The following UBA2 variants were observed in gnomAD, a reference collection of about 807,000 sequenced individuals.
UBA2 encodes ubiquitin like modifier activating enzyme 2.
Under a neutral mutation model 77.2 loss-of-function variants are expected in UBA2, and 11 were observed. That is an observed-to-expected ratio of 0.14 (90% confidence interval 0.09 to 0.24). The LOEUF is 0.24. UBA2 is among the 10% of genes least tolerant of loss of function. The pLI is 1.00. For synonymous variants in UBA2, 278 were observed against 276.7 expected (o/e 1.00, Z -0.05); for missense variants, 487 against 781.7 (o/e 0.62, Z 4.50).
intron 1 of UBA2, 31 bp downstream of exon 1, chr19:34,428,601 G>A (rs1334220560): frequency 7.7e-7 from 1 of 1,303,554 alleles, no homozygotes. Context: ...CGTGAATGGC[G>A]GGCTGTGGTG....
chr19:34,459,645 A>G (rs2075609217), intron 13 of UBA2, among the ~76,000 whole-genome samples: 1 of 151,668 alleles, frequency 6.6e-6, no homozygotes, highest in South Asian at 2.1e-4. Flanking sequence ...ATTAGGGGAG[A>G]TTTTCTTTTT....
At chr19:34,456,100 C>CTTTTCTT (rs2075557152) in intron 12 of UBA2, among the ~76,000 whole-genome samples, 65 of 55,784 alleles carry the variant, frequency 1.2e-3, no homozygotes, top group African/African-American at 3.3e-3. Context: ...TTTTCCTTTT[C>CTTTTCTT]TTTTTCTTTT....
intron 5 of UBA2, among the ~76,000 whole-genome samples, chr19:34,437,047 T>C (rs546257744): frequency 3.6e-4 from 55 of 152,268 alleles, no homozygotes; most frequent in African/African-American, 1.3e-3. Context: ...AAATGGTGTT[T>C]CAGAGAAAAC....
At chr19:34,460,615 A>G (rs1273797845) in intron 14 of UBA2, 49 bp downstream of exon 14, 1 of 1,301,702 alleles carries the variant, frequency 7.7e-7, no homozygotes. Flanking sequence ...AGACTGCTTG[A>G]AGAGTGCACA....
intron 2 of UBA2, among the ~76,000 whole-genome samples, chr19:34,431,367 A>C (rs1228036701): frequency 6.9e-6 from 1 of 144,810 alleles, no homozygotes; most frequent in African/African-American, 2.6e-5. Context: ...ATCCTCCTAC[A>C]CTGGCCTCCC....
At chr19:34,450,495 A>T in intron 9 of UBA2, 131 bp downstream of exon 9, 1 of 559,018 alleles carries the variant, frequency 1.8e-6, no homozygotes, top group East Asian at 3.7e-5. Flanking sequence ...AATATGAAGA[A>T]CAAAAGTCAC....
chr19:34,454,218 A>T, intron 10 of UBA2, 42 bp from the exon 11 acceptor site: 1 of 1,502,098 alleles, frequency 6.7e-7, no homozygotes, highest in East Asian at 2.3e-5. Context: ...CAAAATAGTC[A>T]ATTTGTGGAG....
intron 5 of UBA2, among the ~76,000 whole-genome samples, chr19:34,436,456 C>T (rs577652700): frequency 6.6e-6 from 1 of 152,184 alleles, no homozygotes; most frequent in South Asian, 2.1e-4. Context: ...TGCGCCACCA[C>T]GCCTGGCTAA....
At position 34,454,256 on chromosome 19, in the gene UBA2, G is replaced by T; in HGVS notation, c.1039-4G>T. The T allele has an allele frequency of 1.3e-6, 2 of 1,597,340 alleles. No homozygotes were observed. The highest frequency in any genetic ancestry group is 1.7e-6 in the Non-Finnish European group (2 of 1,175,380). On this transcript the variant is annotated splice_region_variant and splice_polypyrimidine_tract_variant and intron_variant, in intron 10 of 16. Transcript: ENST00000246548. Reference sequence around the variant, plus strand: ...ACTTGTTAAATTGTTTAAATTATTGGCAGGATGACCCATCTGCAATGGATT... The same window carrying T: ...ACTTGTTAAATTGTTTAAATTATTGTCAGGATGACCCATCTGCAATGGATT...
chr19:34,446,344 C>CT (rs2075429967), intron 8 of UBA2, among the ~76,000 whole-genome samples: 1 of 152,198 alleles, frequency 6.6e-6, no homozygotes, highest in African/African-American at 2.4e-5. Context: ...ACCGAAAACT[C>CT]TTTTTCTTTC....
chr19:34,451,811 G>A (rs2075502112), intron 9 of UBA2, among the ~76,000 whole-genome samples, 170 bp from the exon 10 acceptor site: 1 of 152,062 alleles, frequency 6.6e-6, no homozygotes, highest in Non-Finnish European at 1.5e-5. Flanking sequence ...CTCCCAAAGT[G>A]CTGGGATTAC....
At chr19:34,444,073 C>CA (rs2075401703) in intron 7 of UBA2, among the ~76,000 whole-genome samples, 162 bp downstream of exon 7, 1 of 70,230 alleles carries the variant, frequency 1.4e-5, no homozygotes, top group Non-Finnish European at 2.5e-5. Context: ...TTTTTTGTCT[C>CA]AGAGGTGGAG....
chr19:34,448,721 G>A (rs935309860), intron 8 of UBA2, among the ~76,000 whole-genome samples: 3 of 152,168 alleles, frequency 2.0e-5, no homozygotes, highest in African/African-American at 7.2e-5. Context: ...AAGTGGTTTT[G>A]TAGATAAGTA....
intron 1 of UBA2, 61 bp downstream of exon 1, chr19:34,428,631 G>T: frequency 7.9e-7 from 1 of 1,260,914 alleles, no homozygotes. Flanking sequence ...GGATTCGGGG[G>T]TTCCGGGGCT....
chr19:34,440,307 CAAAAAAAA>C (rs60873964), intron 6 of UBA2, among the ~76,000 whole-genome samples: 13 of 90,454 alleles, frequency 1.4e-4, no homozygotes, highest in East Asian at 3.8e-4. Flanking sequence ...GATGATGTTT[CAAAAAAAA>C]AAAAAAAATG....
intron 12 of UBA2, among the ~76,000 whole-genome samples, chr19:34,457,179 A>AAAAATATATATAT (rs1262007864): frequency 7.5e-5 from 4 of 53,222 alleles, no homozygotes; most frequent in African/African-American, 4.7e-4. Context: ...AAAAAAAAAA[A>AAAAATATATATAT]ATATATATAT....
At position 34,434,957 on chromosome 19, in the gene UBA2, A is replaced by G. The variant is rs780453380; in HGVS notation, c.448A>G (p.Thr150Ala). ...GTAGYLGQVT[T>A]IKKGVTECYE... Reference sequence around the variant, plus strand: ...AGCTGGGTATCTTGGACAAGTAACTACTATCAAAAAGGTAAAGAAAAGTTT... The same window carrying G: ...AGCTGGGTATCTTGGACAAGTAACTGCTATCAAAAAGGTAAAGAAAAGTTT... Residue 150 changes from threonine to alanine, a missense_variant, in exon 5 of 17, where the codon ACT (threonine) becomes GCT (alanine). Coordinates refer to ENST00000246548, the MANE Select transcript of UBA2 (RefSeq NM_005499.3). 8 of 1,601,788 alleles carry G rather than the reference A, an allele frequency of 5.0e-6. No homozygotes were observed. Among genetic ancestry groups the G allele is most frequent in the South Asian group, 2.3e-5 (2 of 88,530 alleles).
intron 2 of UBA2, 82 bp downstream of exon 2, chr19:34,430,741 G>A: frequency 1.8e-6 from 2 of 1,108,184 alleles, no homozygotes; most frequent in Non-Finnish European, 1.3e-6. Context: ...TGTCATATAG[G>A]AGGGAAAAAA....
Position 34,450,285 on chromosome 19 carries a change from G to T in UBA2, c.792G>T (p.Arg264Ser). The T allele has an allele frequency of 6.2e-7, 1 of 1,610,906 alleles. No individual in the cohort carries two copies. The highest frequency in any genetic ancestry group is 8.5e-7 in the Non-Finnish European group (1 of 1,178,972). The change falls in exon 9 of 17, where the codon AGG (arginine) becomes AGT (serine). Residue 264 changes from arginine to serine, a missense_variant. This residue lies in a region of UBA2 where 300 missense variants were observed against 454.3 expected (regional missense o/e 0.66). Coordinates refer to ENST00000246548, the MANE Select transcript of UBA2 (RefSeq NM_005499.3). ...LFTKLFKDDI[R>S]YLLTMDKLWR... Reference sequence around the variant, plus strand: ...GTAAGCTTTTTAAAGATGACATCAGGTATCTGTTGACAATGGACAAACTAT... The same window carrying T: ...GTAAGCTTTTTAAAGATGACATCAGTTATCTGTTGACAATGGACAAACTAT...
Sources: allele counts gnomAD v4.1 joint callset (sites outside exome capture counted in the v4.1 genomes callset), GRCh38; gene constraint gnomAD v4.1.1; regional missense constraint gnomAD v4.1.1; transcripts MANE v1.5; gene names NCBI Gene and HGNC (gene_info 2026-07-23, HGNC 2026-07-21).